The following ZNF277 variants were observed in gnomAD, a reference collection of about 807,000 sequenced individuals.
The protein encoded by ZNF277 is nuclear receptor-interacting factor 4.
Under a neutral mutation model 60.7 loss-of-function variants are expected in ZNF277, and 55 were observed. That is an observed-to-expected ratio of 0.91 (90% CI 0.73 to 1.13). The LOEUF (loss-of-function observed/expected upper bound fraction) is 1.13, where lower values mean the gene tolerates loss of function less well. Among genes scored for constraint, ZNF277 ranks in the 50% most tolerant of loss-of-function variants. ZNF277 has a pLI of 0.00. For missense variants in ZNF277, 510 were observed against 523.0 expected (o/e 0.98, Z 0.24); for synonymous variants, 178 against 179.3 (o/e 0.99, Z 0.06).
At chr7:112,339,350 G>A (rs566922396) in intron 9 of ZNF277, among the ~76,000 whole-genome samples, 3 of 152,198 alleles carry the variant, frequency 2.0e-5, no homozygotes, top group South Asian at 2.1e-4. Context: ...ATGGAGTCTC[G>A]CTGTGTCACC....
At chr7:112,297,914 C>T (rs1462223131) in intron 4 of ZNF277, among the ~76,000 whole-genome samples, 1 of 152,136 alleles carries the variant, frequency 6.6e-6, no homozygotes, top group African/African-American at 2.4e-5. Flanking sequence ...GATGTGTCTG[C>T]AGATGGACTC....
chr7:112,271,535 G>T (rs545086258), intron 1 of ZNF277, among the ~76,000 whole-genome samples: 2 of 152,226 alleles, frequency 1.3e-5, no homozygotes, highest in South Asian at 4.2e-4. Flanking sequence ...TGTTTTGCAG[G>T]AGCTTTAAAA....
rs150107737 is a variant in ZNF277 at position 112,314,325 on chromosome 7, G to A, written c.466-3857G>A. Among the ~76,000 whole-genome samples, 522 of 152,256 alleles carry A rather than the reference G, an allele frequency of 3.4e-3. 1 individual carries two copies. The highest frequency in any genetic ancestry group is 6.2e-3 in the Non-Finnish European group (423 of 68,012). On this transcript the variant is annotated intron_variant, in intron 4 of 11. Coordinates refer to ENST00000361822, the MANE Select transcript of ZNF277 (RefSeq NM_021994.3). ...TTGAACTGACCCTTGCATAAGCAAA[G>A]ATGGGCAAAAGAGGGAACGATTACT...
intron 1 of ZNF277, among the ~76,000 whole-genome samples, chr7:112,233,354 G>T (rs1822390832): frequency 6.6e-6 from 1 of 152,166 alleles, no homozygotes; most frequent in African/African-American, 2.4e-5. Flanking sequence ...TACTGTCCTT[G>T]CAGGGCCAGT....
chr7:112,238,886 C>T (rs1397754998), intron 1 of ZNF277, among the ~76,000 whole-genome samples: 3 of 151,796 alleles, frequency 2.0e-5, no homozygotes, highest in Non-Finnish European at 2.9e-5. Context: ...GAGATTTTGG[C>T]GCGTACCGCC....
intron 3 of ZNF277, 73 bp downstream of exon 3, chr7:112,296,030 A>G (rs1792318469): frequency 8.3e-7 from 1 of 1,210,032 alleles, no homozygotes; most frequent in South Asian, 1.3e-5. Flanking sequence ...ACTGTCTTAT[A>G]TTAGAATTAC....
chr7:112,286,841 C>CTTTTTTTTTTTTTTTTTTTTTTTT lies in ZNF277; in HGVS notation c.92-13_92-12insTTTTTTTTTTTTTTTTTTTTTTTT, dbSNP rs10710470. 138 of 952,474 alleles carry CTTTTTTTTTTTTTTTTTTTTTTTT rather than the reference C, an allele frequency of 1.4e-4. 17 individuals carry two copies. Among genetic ancestry groups the CTTTTTTTTTTTTTTTTTTTTTTTT allele is most frequent in the South Asian group, 6.8e-4 (33 of 48,854 alleles). 59.0% of individuals were successfully genotyped at this position (952,474 alleles called of 1,614,324 possible). A position where few individuals can be genotyped will look rare whatever the true frequency, so the allele number is the denominator to read the frequency against. On this transcript the variant is annotated intron_variant, in intron 1 of 11. Transcript: ENST00000361822. ...AGTTGGTTTCAGCTTTTCTTTCTTT[C>CTTTTTTTTTTTTTTTTTTTTTTTT]TTTTTTTTTTTTTTTTTTTGGTCTA...
chr7:112,235,135 T>C (rs1196378394), intron 1 of ZNF277, among the ~76,000 whole-genome samples: 1 of 152,118 alleles, frequency 6.6e-6, no homozygotes, highest in African/African-American at 2.4e-5. Context: ...TTCGCTCCAA[T>C]ATTATTTTTA....
chr7:112,281,513 G>A (rs901034834), intron 1 of ZNF277, among the ~76,000 whole-genome samples: 2 of 152,090 alleles, frequency 1.3e-5, no homozygotes, highest in Admixed American at 6.6e-5. Context: ...ATTACTCTCA[G>A]CAATATTTAT....
intron 1 of ZNF277, among the ~76,000 whole-genome samples, chr7:112,278,748 T>A (rs1563213517): frequency 6.6e-6 from 1 of 151,934 alleles, no homozygotes; most frequent in East Asian, 1.9e-4. Context: ...AAATTATGGT[T>A]AAAAAAAATA....
intron 1 of ZNF277, among the ~76,000 whole-genome samples, chr7:112,277,777 T>G (rs1217786960): frequency 6.6e-6 from 1 of 152,208 alleles, no homozygotes; most frequent in Non-Finnish European, 1.5e-5. Flanking sequence ...GTCTTATCAT[T>G]ATATTTATTT....
chr7:112,326,992 G>A (rs905895123), intron 5 of ZNF277, among the ~76,000 whole-genome samples: 1 of 152,072 alleles, frequency 6.6e-6, no homozygotes, highest in Non-Finnish European at 1.5e-5. Context: ...TGTTTTGCAG[G>A]TTATCACAGC....
At chr7:112,308,476 C>T (rs936439445) in intron 4 of ZNF277, among the ~76,000 whole-genome samples, 1 of 151,886 alleles carries the variant, frequency 6.6e-6, no homozygotes, top group Non-Finnish European at 1.5e-5. Flanking sequence ...GAGATCATAC[C>T]ACTGCACTCT....
chr7:112,335,145 G>T (rs1041474370), intron 7 of ZNF277, among the ~76,000 whole-genome samples: 2 of 152,112 alleles, frequency 1.3e-5, no homozygotes, highest in Non-Finnish European at 2.9e-5. Context: ...GGGGGAAAAA[G>T]AGTCCATAAT....
intron 5 of ZNF277, among the ~76,000 whole-genome samples, chr7:112,321,079 G>A (rs997509685): frequency 6.6e-5 from 10 of 151,018 alleles, no homozygotes; most frequent in African/African-American, 1.5e-4. Flanking sequence ...CCGCAACCAC[G>A]CCCGGCAAAT....
intron 1 of ZNF277, among the ~76,000 whole-genome samples, chr7:112,253,677 T>G (rs1295601873): frequency 6.6e-6 from 1 of 152,180 alleles, no homozygotes; most frequent in Non-Finnish European, 1.5e-5. Context: ...AATAAAATCC[T>G]GCAATGTTAT....
intron 5 of ZNF277, among the ~76,000 whole-genome samples, chr7:112,321,009 C>T (rs1041051735): frequency 8.1e-5 from 12 of 147,786 alleles, no homozygotes; most frequent in African/African-American, 3.0e-4. Flanking sequence ...GCAAGTTCCG[C>T]CTCCCGAGTT....
intron 1 of ZNF277, among the ~76,000 whole-genome samples, chr7:112,207,813 TCAGCG>T (rs1821596160): frequency 6.6e-6 from 1 of 152,178 alleles, no homozygotes; most frequent in Non-Finnish European, 1.5e-5. Flanking sequence ...AGTATTTACC[TCAGCG>T]GCACAGAGTT....
intron 1 of ZNF277, among the ~76,000 whole-genome samples, chr7:112,208,586 T>A (rs1378898358): frequency 1.7e-5 from 2 of 115,612 alleles, no homozygotes; most frequent in African/African-American, 5.7e-5. Flanking sequence ...TCCAACATAT[T>A]CTTCTTCTTC....
Sources: gnomAD v4.1 joint callset for allele counts (sites outside exome capture counted in the v4.1 genomes callset) on GRCh38, gnomAD v4.1.1 for gene constraint, MANE v1.5 for transcripts, NCBI Gene and HGNC (gene_info 2026-07-23, HGNC 2026-07-21) for gene names.